The following HERC1 variants were observed in gnomAD, a reference collection of about 807,000 sequenced individuals.
HERC1 encodes HECT and RLD domain containing E3 ubiquitin protein ligase family member 1.
In HERC1, 160 loss-of-function variants were observed where a neutral mutation model predicts 554.3. The observed-to-expected ratio is 0.29, with a 90% CI of 0.25 to 0.33. HERC1 has a LOEUF of 0.33. Ranked by LOEUF, HERC1 falls within the 10% of genes least tolerant of loss-of-function variation. The pLI is 1.00. For missense variants in HERC1, 4,919 were observed against 5,918.5 expected, an observed-to-expected ratio of 0.83 and a Z score of 5.54; for synonymous variants, 2,175 against 2,131.7, an observed-to-expected ratio of 1.02 and a Z score of -0.56.
At chr15:63,671,688 C>T (rs961421466) in intron 39 of HERC1, among the ~76,000 whole-genome samples, 1 of 152,076 alleles carries the variant, frequency 6.6e-6, no homozygotes, top group Non-Finnish European at 1.5e-5. Context: ...AAAAAGTTGC[C>T]CAGGTGGCCT....
intron 25 of HERC1, among the ~76,000 whole-genome samples, chr15:63,701,007 C>T (rs1448340800): frequency 6.6e-6 from 1 of 151,644 alleles, no homozygotes; most frequent in African/African-American, 2.4e-5. Flanking sequence ...TGGCTCCTCA[C>T]ATTGAACTTG....
At chr15:63,752,893 T>C (rs754514208) in intron 8 of HERC1, 65 bp downstream of exon 8, 2 of 1,392,290 alleles carry the variant, frequency 1.4e-6, no homozygotes, top group South Asian at 2.7e-5. Flanking sequence ...AATACAAGTA[T>C]TACTTTTTAG....
intron 1 of HERC1, among the ~76,000 whole-genome samples, chr15:63,794,912 A>G (rs2076764529): frequency 6.6e-6 from 1 of 152,030 alleles, no homozygotes; most frequent in South Asian, 2.1e-4. Flanking sequence ...CTAAAAATAC[A>G]AAAATTAGCC....
At position 63,616,422 on chromosome 15, in the gene HERC1, G is replaced by T; in HGVS notation, c.13941+8C>A. The T allele has an allele frequency of 6.2e-7, 1 of 1,611,470 alleles. No individual in the cohort carries two copies. The highest frequency in any genetic ancestry group is 8.5e-7 in the Non-Finnish European group (1 of 1,178,354). On this transcript the variant is annotated splice_region_variant and intron_variant, in intron 75 of 77. Transcript: ENST00000443617. ...CACCAGTAGAAACATAGACTGGCCAGGATTTACCTCATGGAAACTCTCCTC... is the reference window on the plus strand; with the variant it reads ...CACCAGTAGAAACATAGACTGGCCATGATTTACCTCATGGAAACTCTCCTC...
intron 26 of HERC1, among the ~76,000 whole-genome samples, chr15:63,697,053 T>C (rs895065604): frequency 1.8e-4 from 28 of 152,184 alleles, no homozygotes; most frequent in African/African-American, 6.5e-4. Flanking sequence ...ACATCTTACA[T>C]AACCATGGTA....
chr15:63,653,275 C>T (rs1357642847), intron 51 of HERC1, among the ~76,000 whole-genome samples: 5 of 152,054 alleles, frequency 3.3e-5, no homozygotes, highest in African/African-American at 1.2e-4. Context: ...ACCCTGTCTC[C>T]ACTAAAAATA....
chr15:63,649,151 G>T (rs546347060), intron 54 of HERC1, among the ~76,000 whole-genome samples: 3 of 152,030 alleles, frequency 2.0e-5, no homozygotes, highest in African/African-American at 7.2e-5. Context: ...TGAGGAGATC[G>T]AGACCATCCT....
At chr15:63,634,115 T>C in intron 66 of HERC1, 145 bp from the exon 67 acceptor site, 1 of 819,874 alleles carries the variant, frequency 1.2e-6, no homozygotes, top group Non-Finnish European at 1.9e-6. Flanking sequence ...ACTACAAATG[T>C]TAACCAAAGT....
rs181018117 is a variant in HERC1 at position 63,689,606 on chromosome 15, G to T, written c.6031C>A (p.Gln2011Lys). 2.7e-4 allele frequency: 413 copies of T among 1,553,972 alleles called. No individual in the cohort carries two copies. Among genetic ancestry groups the T allele is most frequent in the Non-Finnish European group, 5.2e-5 (59 of 1,145,466 alleles). ...CCAATTACCTGTAGTTTTATTTCTT[G>T]TTCTTTTTCCTTTATCTGAATAGCA... ...KHAIQIKEKE[Q>K]EIKLQKQGEL... Residue 2011 changes from glutamine to lysine, a missense_variant, in exon 33 of 78, where the codon CAA (glutamine) becomes AAA (lysine). Gln to Lys is a moderately conservative substitution (Grantham distance 53). Around this residue, in one of 11 missense-constraint regions of HERC1, gnomAD observed 1,121 missense variants for 1,244.0 expected, o/e 0.90. Coordinates refer to ENST00000443617, the MANE Select transcript of HERC1 (RefSeq NM_003922.4).
chr15:63,666,677 G>A (rs1024933072), intron 40 of HERC1, among the ~76,000 whole-genome samples: 1 of 152,104 alleles, frequency 6.6e-6, no homozygotes, highest in Admixed American at 6.5e-5. Flanking sequence ...AAAGATTTGT[G>A]TAGAGGTACT....
chr15:63,674,606 A>G lies in HERC1; in HGVS notation c.7582T>C (p.Tyr2528His). ...SLSALLGCSKYAELLLIPKVL... is the reference protein window; with the variant it reads ...SLSALLGCSKHAELLLIPKVL... ...TTTGGTATCAGCAACAGCTCAGCAT[A>G]TTTACTACAGCCAAGAAGGGCACTA... Residue 2528 changes from tyrosine (Y) to histidine (H), a missense_variant, in exon 38 of 78, where the codon TAT (tyrosine) becomes CAT (histidine). Tyr to His is a moderately conservative substitution (Grantham distance 83). Coordinates refer to ENST00000443617, the MANE Select transcript of HERC1 (RefSeq NM_003922.4). The G allele has an allele frequency of 6.2e-7, 1 of 1,612,966 alleles. No individual in the cohort carries two copies. The highest frequency in any genetic ancestry group is 8.5e-7 in the Non-Finnish European group (1 of 1,179,388).
chr15:63,667,406 G>A (rs1239999520), intron 40 of HERC1, among the ~76,000 whole-genome samples: 3 of 151,892 alleles, frequency 2.0e-5, no homozygotes, highest in South Asian at 2.1e-4. Flanking sequence ...AATAAACACG[G>A]AAGATGAGAT....
At chr15:63,762,577 G>A (rs549971808) in intron 3 of HERC1, among the ~76,000 whole-genome samples, 4 of 152,084 alleles carry the variant, frequency 2.6e-5, no homozygotes, top group Non-Finnish European at 4.4e-5. Flanking sequence ...CACCCACCTC[G>A]GCCTCCCAAA....
chr15:63,655,855 T>C lies in HERC1; in HGVS notation c.9971A>G (p.Asn3324Ser). The change falls in exon 50 of 78, where the codon AAC becomes AGC. Residue 3324 changes from asparagine (N) to serine (S), a missense_variant. Coordinates refer to ENST00000443617, the MANE Select transcript of HERC1 (RefSeq NM_003922.4). ...PSFLRGIAEE[N>S]KLVTSPNFVV... ...AAAGTTTGGGGAGGTCACAAGCTTGTTCTCTTCAGCAATTCCTCGGAGAAA... is the reference window on the plus strand; with the variant it reads ...AAAGTTTGGGGAGGTCACAAGCTTGCTCTCTTCAGCAATTCCTCGGAGAAA... 1.2e-6 allele frequency: 2 copies of C among 1,609,434 alleles called. No individual in the cohort carries two copies. Among genetic ancestry groups the C allele is most frequent in the East Asian group, 2.2e-5 (1 of 44,804 alleles).
intron 48 of HERC1, 29 bp downstream of exon 48, chr15:63,658,515 A>C (rs1183833490): frequency 9.5e-6 from 15 of 1,583,934 alleles, no homozygotes; most frequent in Non-Finnish European, 1.3e-5. Flanking sequence ...AAGTTAACTT[A>C]GCATCATGTG....
intron 37 of HERC1, among the ~76,000 whole-genome samples, chr15:63,676,783 A>T (rs2071233805): frequency 6.6e-6 from 1 of 152,168 alleles, no homozygotes; most frequent in African/African-American, 2.4e-5. Context: ...AATCAAATAA[A>T]ATTTAAAAAG....
intron 18 of HERC1, among the ~76,000 whole-genome samples, chr15:63,723,620 T>C (rs1194406474): frequency 6.6e-6 from 1 of 152,184 alleles, no homozygotes; most frequent in Non-Finnish European, 1.5e-5. Flanking sequence ...ACCTCTGAGC[T>C]ATACCCTACA....
intron 12 of HERC1, among the ~76,000 whole-genome samples, chr15:63,746,530 CA>C (rs1463688539): frequency 6.6e-6 from 1 of 152,166 alleles, no homozygotes; most frequent in Non-Finnish European, 1.5e-5. Flanking sequence ...GCTCTGGTTA[CA>C]GTTCTAGTAG....
At chr15:63,630,689 T>A (rs1595857260) in intron 68 of HERC1, 54 bp from the exon 69 acceptor site, 2 of 1,525,498 alleles carry the variant, frequency 1.3e-6, no homozygotes, top group Non-Finnish European at 1.8e-6. Flanking sequence ...CACAACACAG[T>A]GCTTTTATAT....
Sources: gnomAD v4.1 joint callset for allele counts (sites outside exome capture counted in the v4.1 genomes callset) on GRCh38, gnomAD v4.1.1 for gene constraint, gnomAD v4.1.1 regional missense constraint, MANE v1.5 for transcripts, NCBI Gene and HGNC (gene_info 2026-07-23, HGNC 2026-07-21) for gene names.